UNC5D: variants seen among roughly 807,000 people sequenced by gnomAD.
UNC5D encodes the protein netrin receptor UNC5D.
Under a neutral mutation model 105.4 loss-of-function variants are expected in UNC5D, and 39 were observed. The ratio of observed to expected loss-of-function variants is 0.37; its 90% CI spans 0.29 to 0.48. The LOEUF (loss-of-function observed/expected upper bound fraction) is 0.48, where lower values mean the gene tolerates loss of function less well. Among genes scored for constraint, UNC5D ranks in the 20% least tolerant of loss-of-function variants. UNC5D has a pLI of 0.98. For missense variants in UNC5D, 991 were observed against 1,202.4 expected (o/e 0.82, Z 2.60); for synonymous variants, 452 against 450.4 (o/e 1.00, Z -0.04).
intron 10 of UNC5D, chr8:35,727,712 T>C (rs987571527): frequency 5.9e-5 from 9 of 152,194 alleles, no homozygotes; most frequent in Admixed American, 2.0e-4. Flanking sequence ...TAAATCTTCA[T>C]TGGTCAATGT....
chr8:35,491,653 T>C (rs1481778826), intron 1 of UNC5D, among the ~76,000 whole-genome samples: 1 of 152,054 alleles, frequency 6.6e-6, no homozygotes, highest in African/African-American at 2.4e-5. Flanking sequence ...CGACTGGAAA[T>C]ACTTGTTACT....
chr8:35,243,849 G>A (rs1428939587), intron 1 of UNC5D, among the ~76,000 whole-genome samples: 1 of 152,078 alleles, frequency 6.6e-6, no homozygotes, highest in Non-Finnish European at 1.5e-5. Context: ...AATAATGTGT[G>A]TTACTCGAAC....
chr8:35,734,576 A>T (rs974455397), intron 11 of UNC5D, among the ~76,000 whole-genome samples: 2 of 151,426 alleles, frequency 1.3e-5, no homozygotes, highest in African/African-American at 4.9e-5. Flanking sequence ...ATGCCTGGCT[A>T]ATTTTGTATT....
chr8:35,446,698 C>A (rs531592303), intron 1 of UNC5D, among the ~76,000 whole-genome samples: 4 of 152,054 alleles, frequency 2.6e-5, no homozygotes, highest in Non-Finnish European at 4.4e-5. Context: ...CAAATTCTGA[C>A]GTGGAGCATC....
At chr8:35,722,754 T>C (rs919760899) in intron 9 of UNC5D, among the ~76,000 whole-genome samples, 4 of 152,230 alleles carry the variant, frequency 2.6e-5, no homozygotes, top group African/African-American at 9.6e-5. Flanking sequence ...CATTCAAGAC[T>C]GAGGACTAAC....
intron 14 of UNC5D, among the ~76,000 whole-genome samples, chr8:35,762,106 T>C (rs1801562753): frequency 6.6e-6 from 1 of 152,132 alleles, no homozygotes; most frequent in South Asian, 2.1e-4. Flanking sequence ...AGCTGACTTA[T>C]TACAATTAGT....
At chr8:35,239,414 A>C (rs919476938) in intron 1 of UNC5D, among the ~76,000 whole-genome samples, 3 of 151,508 alleles carry the variant, frequency 2.0e-5, no homozygotes, top group Admixed American at 2.0e-4. Context: ...CAAATGCAGT[A>C]CCCAACTTAA....
intron 4 of UNC5D, among the ~76,000 whole-genome samples, chr8:35,669,960 T>C (rs188823049): frequency 6.6e-5 from 10 of 152,220 alleles, no homozygotes; most frequent in Admixed American, 1.3e-4. Flanking sequence ...TCTGGGAATG[T>C]TCAGTGTATG....
At chr8:35,274,569 G>A (rs1299171259) in intron 1 of UNC5D, among the ~76,000 whole-genome samples, 1 of 152,140 alleles carries the variant, frequency 6.6e-6, no homozygotes, top group Non-Finnish European at 1.5e-5. Flanking sequence ...TCAGCCTGAA[G>A]AGAACCTCCA....
At chr8:35,270,733 C>A (rs928316797) in intron 1 of UNC5D, among the ~76,000 whole-genome samples, 1 of 152,056 alleles carries the variant, frequency 6.6e-6, no homozygotes, top group Admixed American at 6.5e-5. Flanking sequence ...TTTTATGAAC[C>A]TTTTGGCTTT....
intron 1 of UNC5D, among the ~76,000 whole-genome samples, chr8:35,325,782 T>C (rs1465856768): frequency 1.3e-5 from 2 of 152,092 alleles, no homozygotes; most frequent in Non-Finnish European, 2.9e-5. Context: ...GAAGGGGGAA[T>C]GGAAAAGGAT....
At position 35,774,289 on chromosome 8, in the gene UNC5D, T is replaced by G; in HGVS notation, c.2479-10T>G. 1 of 1,613,730 alleles carries G rather than the reference T, an allele frequency of 6.2e-7. No homozygotes were observed. The highest frequency in any genetic ancestry group is 1.7e-4 in the Middle Eastern group (1 of 6,058). On this transcript the variant is annotated splice_polypyrimidine_tract_variant and intron_variant, in intron 15 of 16. Transcript: ENST00000404895. Reference sequence around the variant, plus strand: ...TAGATCTGATCATGCGTTCCTTATTTTGTTTATAGAGTGAACGAGAAACCA... The same window carrying G: ...TAGATCTGATCATGCGTTCCTTATTGTGTTTATAGAGTGAACGAGAAACCA...
intron 1 of UNC5D, among the ~76,000 whole-genome samples, chr8:35,415,772 G>A (rs1805487832): frequency 6.6e-6 from 1 of 152,078 alleles, no homozygotes; most frequent in Non-Finnish European, 1.5e-5. Flanking sequence ...TGAAGACCAT[G>A]ACTTTTCCCC....
chr8:35,319,845 C>CT (rs1042294523), intron 1 of UNC5D, among the ~76,000 whole-genome samples: 20 of 151,798 alleles, frequency 1.3e-4, no homozygotes, highest in African/African-American at 4.8e-4. Context: ...ATGTGAGCCC[C>CT]TTTAAATTAT....
chr8:35,756,810 G>A (rs1830542205), intron 13 of UNC5D, among the ~76,000 whole-genome samples: 1 of 152,078 alleles, frequency 6.6e-6, no homozygotes, highest in African/African-American at 2.4e-5. Flanking sequence ...AAATAGTCTA[G>A]TACTACACTA....
At position 35,667,110 on chromosome 8, in the gene UNC5D, CT is replaced by C. The variant is rs200433149; in HGVS notation, c.571-16428del. On this transcript the variant is annotated intron_variant, in intron 4 of 16. Transcript: ENST00000404895. ...CTTCTTAGAGATCCAGAGCTTTAGA[CT>C]TTTTTTTTCAAACTTGGAACATGTA... is the stretch of plus-strand genomic sequence containing the variant. 3.2e-4 allele frequency among the ~76,000 whole-genome samples: 48 copies of C among 151,326 alleles called. 1 individual carries two copies. Among genetic ancestry groups the C allele is most frequent in the Admixed American group, 2.2e-3 (33 of 15,168 alleles).
intron 1 of UNC5D, among the ~76,000 whole-genome samples, chr8:35,490,562 A>G (rs16884019): frequency 0.17 from 25,948 of 151,998 alleles, 2,971 homozygotes; most frequent in African/African-American, 0.29. Context: ...TCGGGCCTTC[A>G]TGGAAGAGAA....
intron 8 of UNC5D, among the ~76,000 whole-genome samples, chr8:35,709,804 C>G (rs891717522): frequency 6.6e-6 from 1 of 152,170 alleles, no homozygotes; most frequent in African/African-American, 2.4e-5. Flanking sequence ...GCAAAGGGAA[C>G]AGCAGGACAC....
intron 4 of UNC5D, among the ~76,000 whole-genome samples, chr8:35,641,170 A>T (rs898875730): frequency 1.3e-5 from 2 of 152,068 alleles, no homozygotes; most frequent in Non-Finnish European, 2.9e-5. Flanking sequence ...AGCTGTGTAT[A>T]TATGAATATG....
Sources: allele counts gnomAD v4.1 joint callset (sites outside exome capture counted in the v4.1 genomes callset), GRCh38; gene constraint gnomAD v4.1.1; transcripts MANE v1.5; gene names NCBI Gene and HGNC (gene_info 2026-07-23, HGNC 2026-07-21).